The following RSAD2 variants were observed in gnomAD, a reference collection of about 807,000 sequenced individuals.
RSAD2 encodes radical S-adenosyl methionine domain containing 2, also known as S-adenosylmethionine-dependent nucleotide dehydratase RSAD2.
A neutral mutation model predicts 37.7 loss-of-function variants in RSAD2; 38 were observed. That is an observed-to-expected ratio of 1.01 (90% CI 0.78 to 1.32). RSAD2 has a LOEUF of 1.32. Among genes scored for constraint, RSAD2 ranks in the 40% most tolerant of loss-of-function variants. The pLI, the probability that RSAD2 is intolerant of heterozygous loss-of-function variation, is 0.00. For missense variants in RSAD2, 428 were observed against 437.5 expected, an observed-to-expected ratio of 0.98 and a Z score of 0.19; for synonymous variants, 163 against 157.4, an observed-to-expected ratio of 1.04 and a Z score of -0.27.
In RSAD2 at chr2:6,895,813, C is replaced by G. The variant is rs750221363; in HGVS notation, c.957C>G (p.Asp319Glu). 1 of 1,614,056 alleles carries G rather than the reference C, an allele frequency of 6.2e-7. No homozygotes were observed. The highest frequency in any genetic ancestry group is 1.7e-5 in the Admixed American group (1 of 60,016). The change falls in exon 6 of 6, where the codon GAC (aspartate) becomes GAG (glutamate). Residue 319 changes from aspartate to glutamate, a missense_variant. Asp to Glu is a conservative substitution (Grantham distance 45). Coordinates refer to ENST00000382040, the MANE Select transcript of RSAD2 (RefSeq NM_080657.5). ...TGAACTGTAGAAAGGGACGGAAGGA[C>G]CCTTCCAAGTCCATCCTGGATGTTG... ...RFLNCRKGRK[D>E]PSKSILDVGV...
upstream of RSAD2, among the ~76,000 whole-genome samples, chr2:6,874,478 A>G (rs1663249508): frequency 6.6e-6 from 1 of 152,132 alleles, no homozygotes; most frequent in African/African-American, 2.4e-5. Context: ...ATTTCTTACA[A>G]TTTCCTTGTA....
chr2:6,867,045 G>A (rs891569297), intron 1 of RSAD2, among the ~76,000 whole-genome samples: 5 of 152,196 alleles, frequency 3.3e-5, no homozygotes, highest in South Asian at 2.1e-4. Context: ...AGCATGTACC[G>A]GTGGTTTCAC....
chr2:6,866,497 G>C (rs755199990), intron 1 of RSAD2: 126 of 985,096 alleles, frequency 1.3e-4, no homozygotes, highest in Non-Finnish European at 1.5e-4. Context: ...GGGAAGTGTC[G>C]CCCAGATTGG....
At position 6,895,788 on chromosome 2, in the gene RSAD2, T is replaced by TG. The variant is rs1348113666; in HGVS notation, c.933dup (p.Asn312GlufsTer3). On this transcript the variant is annotated frameshift_variant, in exon 6 of 6. Coordinates refer to ENST00000382040, the MANE Select transcript of RSAD2 (RefSeq NM_080657.5). LOFTEE classifies it high-confidence loss of function. ...TTATGAATTTTCTAGATGCGCTTTC[T>TG]GAACTGTAGAAAGGGACGGAAGGAC... 1.2e-6 allele frequency: 2 copies of TG among 1,613,042 alleles called. No homozygotes were observed. Among genetic ancestry groups the TG allele is most frequent in the Non-Finnish European group, 1.7e-6 (2 of 1,179,462 alleles).
intron 1 of RSAD2, among the ~76,000 whole-genome samples, chr2:6,871,263 T>C (rs1292835165): frequency 6.6e-6 from 1 of 152,230 alleles, no homozygotes. Context: ...CCTTGCCTGT[T>C]GCTCTACCTG....
At chr2:6,872,454 G>A (rs1324625366) in intron 1 of RSAD2, among the ~76,000 whole-genome samples, 4 of 152,166 alleles carry the variant, frequency 2.6e-5, no homozygotes, top group African/African-American at 9.6e-5. Flanking sequence ...CTAAGAAATA[G>A]TATGGTGATT....
chr2:6,866,545 T>G, intron 1 of RSAD2: 1 of 890,338 alleles, frequency 1.1e-6, no homozygotes, highest in Non-Finnish European at 1.3e-6. Flanking sequence ...AATTGAAGTT[T>G]CCTGCACTAA....
intron 1 of RSAD2, among the ~76,000 whole-genome samples, chr2:6,879,782 T>C (rs149248839): frequency 2.6e-3 from 394 of 152,302 alleles, no homozygotes; most frequent in Non-Finnish European, 4.1e-3. Context: ...TAATAGAGGC[T>C]TAAGAAATGT....
Position 6,889,009 on chromosome 2 carries a change from A to T in RSAD2, c.739-1167A>T, listed in dbSNP as rs182093897. Among the ~76,000 whole-genome samples, 726 of 151,464 alleles carry T rather than the reference A, an allele frequency of 4.8e-3. 9 individuals are homozygous for T. Among genetic ancestry groups the T allele is most frequent in the African/African-American group, 0.017 (685 of 41,216 alleles). ...AGCATGGGAGGAGAGGGCTCCTTCT[A>T]CTCCCCCATGCCCAATCCCACACCC... On this transcript the variant is annotated intron_variant, in intron 3 of 5. Transcript: ENST00000382040.
At chr2:6,878,252 C>G in intron 1 of RSAD2, 106 bp downstream of exon 1, 1 of 890,458 alleles carries the variant, frequency 1.1e-6, no homozygotes, top group Non-Finnish European at 1.7e-6. Flanking sequence ...TTCTCCAAAG[C>G]TTGAGGTCAC....
upstream of RSAD2, chr2:6,877,768 A>ATGC: frequency 6.5e-7 from 1 of 1,531,738 alleles, no homozygotes; most frequent in East Asian, 2.3e-5. Flanking sequence ...TCCCTGGCAT[A>ATGC]CAGAGACTGC....
rs1277246120 is a variant in RSAD2, at chr2:6,893,708, G to A, written c.921+5G>A. 8 of 1,586,544 alleles carry A rather than the reference G, an allele frequency of 5.0e-6. No homozygotes were observed. Among genetic ancestry groups the A allele is most frequent in the African/African-American group, 4.0e-5 (3 of 74,364 alleles). On this transcript the variant is annotated splice_donor_5th_base_variant and intron_variant, in intron 5 of 5. Transcript: ENST00000382040. ...TACCTTATTCTGGATGAATATGTGA[G>A]TATTTCCAATGAGTTATAAAATTAA...
At chr2:6,888,914 G>T (rs1156541566) in intron 3 of RSAD2, among the ~76,000 whole-genome samples, 2 of 152,158 alleles carry the variant, frequency 1.3e-5, no homozygotes, top group African/African-American at 4.8e-5. Context: ...CGTGTCCCCG[G>T]GACAACAGCA....
At chr2:6,869,233 A>G (rs1173348044) in intron 1 of RSAD2, among the ~76,000 whole-genome samples, 1 of 151,938 alleles carries the variant, frequency 6.6e-6, no homozygotes, top group South Asian at 2.1e-4. Context: ...CCTTTTTCCT[A>G]TTGTTCTTGC....
In RSAD2 at chr2:6,883,508, C is replaced by T. The variant is rs779529246; in HGVS notation, c.484C>T (p.Arg162Trp). 4.9e-5 allele frequency: 79 copies of T among 1,614,012 alleles called. 1 individual carries two copies. In the East Asian group the frequency reaches 6.0e-4, roughly 12 times the overall value. ...CATCGTGAGCAATGGAAGCCTGATC[C>T]GGGAGAGGTGGTTCCAGAATTATGG... ...VSIVSNGSLI[R>W]ERWFQNYGEY... Residue 162 changes from arginine to tryptophan, a missense_variant, in exon 2 of 6, where the codon CGG becomes TGG. Coordinates refer to ENST00000382040, the MANE Select transcript of RSAD2 (RefSeq NM_080657.5).
rs913349519 is a variant in RSAD2, at chr2:6,896,222, A to G, written c.*280A>G. On this transcript the variant is annotated 3_prime_UTR_variant, in exon 6 of 6. Transcript: ENST00000382040. Reference sequence around the variant, plus strand: ...AGTTTGTTTTAGCTAAAAAGAAGGAATACACACAGGAATAATGACCCCAAA... The same window carrying G: ...AGTTTGTTTTAGCTAAAAAGAAGGAGTACACACAGGAATAATGACCCCAAA... The G allele has an allele frequency of 3.2e-6, 1 of 308,258 alleles. No individual in the cohort carries two copies. Among genetic ancestry groups the G allele is most frequent in the Non-Finnish European group, 6.0e-6 (1 of 165,562 alleles). 19.1% of individuals were successfully genotyped at this position (308,258 alleles called of 1,614,324 possible).
intron 2 of RSAD2, among the ~76,000 whole-genome samples, chr2:6,885,844 T>C (rs1268227020): frequency 1.3e-5 from 2 of 152,234 alleles, no homozygotes; most frequent in African/African-American, 4.8e-5. Flanking sequence ...CAATGTGATA[T>C]GCCATTAGGA....
chr2:6,882,105 C>T (rs1277394446), intron 1 of RSAD2, among the ~76,000 whole-genome samples: 1 of 152,216 alleles, frequency 6.6e-6, no homozygotes, highest in Non-Finnish European at 1.5e-5. Context: ...GTTTACCTCT[C>T]TGTCTCTCTG....
At chr2:6,881,326 G>T (rs1041410931) in intron 1 of RSAD2, among the ~76,000 whole-genome samples, 5 of 152,268 alleles carry the variant, frequency 3.3e-5, no homozygotes, top group Admixed American at 6.5e-5. Flanking sequence ...AGAGTGAAAG[G>T]GGGCACTAAA....
Sources: gnomAD v4.1 joint callset for allele counts (sites outside exome capture counted in the v4.1 genomes callset) on GRCh38, gnomAD v4.1.1 for gene constraint, MANE v1.5 for transcripts, NCBI Gene and HGNC (gene_info 2026-07-23, HGNC 2026-07-21) for gene names.